The following FRMPD4 variants were observed in gnomAD, a reference collection of about 807,000 sequenced individuals.
The protein encoded by FRMPD4 is FERM and PDZ domain containing 4, also known as FERM and PDZ domain-containing protein 4.
Under a neutral mutation model 94.1 loss-of-function variants are expected in FRMPD4, and 22 were observed. The observed-to-expected ratio is 0.23, with a 90% CI of 0.17 to 0.33. FRMPD4 has a LOEUF of 0.33. Ranked by LOEUF, FRMPD4 falls within the 10% of genes least tolerant of loss-of-function variation. The pLI is 1.00. For missense variants in FRMPD4, 1,111 were observed against 1,339.9 expected (o/e 0.83, Z 2.67); for synonymous variants, 631 against 548.6 (o/e 1.15, Z -2.10).
At chrX:12,072,091 A>G (rs2054973754) in intron 3 of FRMPD4, among the ~76,000 whole-genome samples, 1 of 111,242 alleles carries the variant, frequency 9.0e-6, no homozygotes, top group Non-Finnish European at 1.9e-5. Flanking sequence ...CCTGGGTTCA[A>G]GGGATCCTCT....
In FRMPD4 at chrX:12,328,029, G is replaced by C. The variant is rs1311121120; in HGVS notation, c.42-170651G>C. 2.7e-5 allele frequency among the ~76,000 whole-genome samples: 3 copies of C among 111,192 alleles called. No individual in the cohort carries two copies. The East Asian group carries it at 8.4e-4, about 31-fold the overall frequency. ...CTTTGGCCAATGGAATGCAGGAACA[G>C]TGATGACATGCCTTCTCTGAGCCTA... On this transcript the variant is annotated intron_variant, in intron 1 of 16. Transcript: ENST00000675598.
At chrX:12,402,011 AAGT>A (rs1199072821) in intron 1 of FRMPD4, among the ~76,000 whole-genome samples, 2 of 110,781 alleles carry the variant, frequency 1.8e-5, no homozygotes, top group Non-Finnish European at 3.8e-5. Context: ...ACCACTCTGA[AAGT>A]AGCCAGCTGT....
At chrX:12,378,188 C>T (rs982533082) in intron 1 of FRMPD4, among the ~76,000 whole-genome samples, 9 of 111,670 alleles carry the variant, frequency 8.1e-5, no homozygotes, top group South Asian at 3.8e-4. Flanking sequence ...TCAAGCCTGC[C>T]GGGGATAATG....
intron 1 of FRMPD4, among the ~76,000 whole-genome samples, chrX:12,164,947 T>C (rs1327392737): frequency 1.8e-5 from 2 of 112,402 alleles, no homozygotes; most frequent in Non-Finnish European, 3.8e-5. Context: ...TTCTGGATAT[T>C]AGCCCTTTGT....
intron 1 of FRMPD4, among the ~76,000 whole-genome samples, chrX:12,228,081 G>A (rs1382267835): frequency 8.9e-6 from 1 of 112,521 alleles, no homozygotes; most frequent in African/African-American, 3.2e-5. Flanking sequence ...CTCCCAAAGT[G>A]TGTTTTGGGG....
At chrX:12,561,230 T>G (rs1282389443) in intron 2 of FRMPD4, among the ~76,000 whole-genome samples, 1 of 112,487 alleles carries the variant, frequency 8.9e-6, no homozygotes, top group Non-Finnish European at 1.9e-5. Flanking sequence ...AATTGAGGAC[T>G]GATAAAATTC....
At chrX:12,262,362 G>A (rs146900531) in intron 1 of FRMPD4, among the ~76,000 whole-genome samples, 22 of 111,228 alleles carry the variant, frequency 2.0e-4, no homozygotes, top group African/African-American at 7.2e-4. Flanking sequence ...CTCCTGCCTC[G>A]GTCTCCCAAT....
At chrX:11,822,731 G>A (rs762733419) in intron 1 of FRMPD4, among the ~76,000 whole-genome samples, 1 of 111,919 alleles carries the variant, frequency 8.9e-6, no homozygotes, top group African/African-American at 3.2e-5. Context: ...TGTCAGGCAT[G>A]CCCCCATCTC....
At chrX:12,213,232 G>A (rs1367303963) in intron 1 of FRMPD4, among the ~76,000 whole-genome samples, 1 of 111,865 alleles carries the variant, frequency 8.9e-6, no homozygotes, top group Non-Finnish European at 1.9e-5. Flanking sequence ...TCTGTTTCAT[G>A]ATAAGGTCCC....
chrX:12,650,192 G>A (rs1454898735), intron 4 of FRMPD4, among the ~76,000 whole-genome samples: 1 of 112,344 alleles, frequency 8.9e-6, no homozygotes, highest in African/African-American at 3.2e-5. Flanking sequence ...TGAAGGGTAA[G>A]CGCCTTGGGT....
chrX:12,555,078 CCTT>C (rs1196760689), intron 2 of FRMPD4, among the ~76,000 whole-genome samples: 1 of 111,815 alleles, frequency 8.9e-6, no homozygotes, highest in African/African-American at 3.3e-5. Context: ...AGAATAGCCA[CCTT>C]CTTCTTCCCT....
chrX:11,905,615 C>G (rs752820494), intron 3 of FRMPD4, among the ~76,000 whole-genome samples: 2 of 111,226 alleles, frequency 1.8e-5, no homozygotes, highest in Non-Finnish European at 3.8e-5. Flanking sequence ...GATTTGGGCT[C>G]TAGTCTCAGA....
At chrX:12,332,101 T>A (rs1162479876) in intron 1 of FRMPD4, among the ~76,000 whole-genome samples, 1 of 56,875 alleles carries the variant, frequency 1.8e-5, no homozygotes, top group Non-Finnish European at 3.0e-5. Context: ...TTATATATAA[T>A]TTATATTATA....
At chrX:12,504,968 G>A (rs755875707) in intron 2 of FRMPD4, among the ~76,000 whole-genome samples, 1 of 112,140 alleles carries the variant, frequency 8.9e-6, no homozygotes, top group Admixed American at 9.5e-5. Context: ...CTACAACAGA[G>A]TTGGGGCATG....
At chrX:12,632,714 C>A (rs754835423) in intron 4 of FRMPD4, among the ~76,000 whole-genome samples, 2 of 111,387 alleles carry the variant, frequency 1.8e-5, no homozygotes, top group South Asian at 7.8e-4. Flanking sequence ...AAGATCTACT[C>A]TCTCCCTACC....
chrX:11,869,308 C>T (rs2147304078), intron 2 of FRMPD4, among the ~76,000 whole-genome samples: 1 of 112,077 alleles, frequency 8.9e-6, no homozygotes, highest in East Asian at 2.8e-4. Context: ...CATTATGTGG[C>T]TTAGTACCTT....
intron 3 of FRMPD4, among the ~76,000 whole-genome samples, chrX:12,044,513 G>T (rs893164910): frequency 1.3e-4 from 14 of 111,930 alleles, no homozygotes; most frequent in Admixed American, 9.5e-4. Context: ...ATGTGCAAAG[G>T]GTCAAGTAAG....
chrX:12,323,596 A>G (rs888634659), intron 1 of FRMPD4, among the ~76,000 whole-genome samples: 9 of 111,105 alleles, frequency 8.1e-5, no homozygotes, highest in African/African-American at 3.0e-4. Flanking sequence ...CAGGCCCAAC[A>G]TGTTGTTTGC....
intron 2 of FRMPD4, among the ~76,000 whole-genome samples, chrX:12,538,139 G>A (rs772348607): frequency 5.4e-4 from 60 of 111,333 alleles, no homozygotes; most frequent in Non-Finnish European, 1.0e-3. Flanking sequence ...CTAATACTGC[G>A]CTTTTCCAAC....
Sources: allele counts gnomAD v4.1 joint callset (sites outside exome capture counted in the v4.1 genomes callset), GRCh38; gene constraint gnomAD v4.1.1; transcripts MANE v1.5; gene names NCBI Gene and HGNC (gene_info 2026-07-23, HGNC 2026-07-21).